PTH2R: variants seen among roughly 807,000 people sequenced by gnomAD.
The protein encoded by PTH2R is PTH2 receptor.
Under a neutral mutation model 60.3 loss-of-function variants are expected in PTH2R, and 59 were observed. The ratio of observed to expected loss-of-function variants is 0.98; its 90% confidence interval spans 0.79 to 1.22. The LOEUF is 1.22. PTH2R is among the 50% of genes most tolerant of loss of function. The pLI is 0.00. For missense variants in PTH2R, 749 were observed against 682.6 expected (o/e 1.10, Z -1.08); for synonymous variants, 256 against 243.8 (o/e 1.05, Z -0.47).
exon 1 of PTH2R, chr2:208,360,017 C>T (rs531723553): frequency 6.0e-6 from 2 of 330,630 alleles, no homozygotes; most frequent in Non-Finnish European, 1.2e-5. Context: ...AGTCCCTATC[C>T]ACCCACAGGT....
chr2:208,373,604 T>G (rs552699956), intron 1 of PTH2R, among the ~76,000 whole-genome samples: 1 of 152,234 alleles, frequency 6.6e-6, no homozygotes, highest in East Asian at 1.9e-4. Flanking sequence ...AGAGGGTATT[T>G]GCAGGGAGAT....
At chr2:208,420,111 A>G (rs1193133550) in intron 1 of PTH2R, among the ~76,000 whole-genome samples, 4 of 152,042 alleles carry the variant, frequency 2.6e-5, no homozygotes, top group Non-Finnish European at 4.4e-5. Context: ...CAGGAAGGGG[A>G]ACATCACACA....
chr2:208,480,029 G>T (rs921014459), intron 9 of PTH2R, among the ~76,000 whole-genome samples: 5 of 152,196 alleles, frequency 3.3e-5, no homozygotes, highest in Non-Finnish European at 5.9e-5. Context: ...CTTGTAGAAA[G>T]TTGTGATTGT....
At chr2:208,453,413 CT>C (rs1702447643) in intron 8 of PTH2R, among the ~76,000 whole-genome samples, 6 of 152,198 alleles carry the variant, frequency 3.9e-5, no homozygotes, top group Non-Finnish European at 8.8e-5. Flanking sequence ...CCATATAAAT[CT>C]TCCTTATCAA....
rs542933156 is a variant in PTH2R, at chr2:208,361,791, CTA to C, written c.-259+1556_-259+1557del. Among the ~76,000 whole-genome samples the C allele has an allele frequency of 6.6e-5, 10 of 151,190 alleles. No homozygotes were observed. In the South Asian group the frequency reaches 1.0e-3, roughly 16 times the overall value. On this transcript the variant is annotated intron_variant, in intron 1 of 12. Coordinates refer to the PTH2R transcript ENST00000617735. ...TTTTTTTTAAAAAAAAGGATGAAGA[CTA>C]TTCGTTTGTATGTATATGCCACATT...
At chr2:208,411,471 C>G (rs997538363) in intron 1 of PTH2R, among the ~76,000 whole-genome samples, 1 of 152,218 alleles carries the variant, frequency 6.6e-6, no homozygotes, top group African/African-American at 2.4e-5. Flanking sequence ...GTAGTCTCTT[C>G]AGCCCTGGTA....
At chr2:208,423,101 T>G (rs1363669886) in intron 1 of PTH2R, among the ~76,000 whole-genome samples, 1 of 152,114 alleles carries the variant, frequency 6.6e-6, no homozygotes, top group Non-Finnish European at 1.5e-5. Flanking sequence ...TTTATCCTCT[T>G]AACTTTATGA....
At chr2:208,362,651 CTTT>C (rs1485699210) in intron 1 of PTH2R, among the ~76,000 whole-genome samples, 1 of 152,190 alleles carries the variant, frequency 6.6e-6, no homozygotes, top group East Asian at 1.9e-4. Context: ...GCAAATACTT[CTTT>C]GAGACCCTGC....
chr2:208,381,617 C>G (rs890479735), intron 1 of PTH2R, among the ~76,000 whole-genome samples: 2 of 152,042 alleles, frequency 1.3e-5, no homozygotes, highest in African/African-American at 4.8e-5. Flanking sequence ...GTTGCACTTA[C>G]TAATTACACT....
At chr2:208,373,607 A>C (rs1410112209) in intron 1 of PTH2R, among the ~76,000 whole-genome samples, 1 of 152,086 alleles carries the variant, frequency 6.6e-6, no homozygotes, top group Non-Finnish European at 1.5e-5. Context: ...GGGTATTTGC[A>C]GGGAGATTGC....
chr2:208,380,893 G>A (rs1700901301), intron 1 of PTH2R, among the ~76,000 whole-genome samples: 1 of 152,032 alleles, frequency 6.6e-6, no homozygotes, highest in Non-Finnish European at 1.5e-5. Flanking sequence ...TTGTGTATAT[G>A]TCTTCATTAG....
At chr2:208,391,729 G>A (rs1031416493) in intron 1 of PTH2R, among the ~76,000 whole-genome samples, 4 of 152,038 alleles carry the variant, frequency 2.6e-5, no homozygotes, top group Non-Finnish European at 5.9e-5. Context: ...GGGAGAAGGT[G>A]GAGATAGGCT....
At chr2:208,365,238 T>C (rs1003467341) in intron 1 of PTH2R, among the ~76,000 whole-genome samples, 2 of 152,206 alleles carry the variant, frequency 1.3e-5, no homozygotes, top group African/African-American at 4.8e-5. Flanking sequence ...CATTTTTGCC[T>C]TGTTCTTAAT....
At chr2:208,397,931 A>G (rs1025510825) in intron 1 of PTH2R, among the ~76,000 whole-genome samples, 3 of 152,222 alleles carry the variant, frequency 2.0e-5, no homozygotes, top group African/African-American at 7.2e-5. Context: ...TAGGCAAGAA[A>G]CATTTCTGGA....
At chr2:208,410,278 T>C (rs1701512530) in intron 1 of PTH2R, among the ~76,000 whole-genome samples, 2 of 152,338 alleles carry the variant, frequency 1.3e-5, no homozygotes, top group South Asian at 4.1e-4. Flanking sequence ...ACTGTAATTG[T>C]TCACATTTTT....
At chr2:208,407,936 T>G (rs1240750279) in intron 1 of PTH2R, among the ~76,000 whole-genome samples, 1 of 152,204 alleles carries the variant, frequency 6.6e-6, no homozygotes, top group Non-Finnish European at 1.5e-5. Context: ...AATAAAAAAT[T>G]ATTTCACCGT....
At chr2:208,437,989 A>T in intron 4 of PTH2R, 108 bp downstream of exon 4, 1 of 1,361,784 alleles carries the variant, frequency 7.3e-7, no homozygotes, top group Non-Finnish European at 1.0e-6. Flanking sequence ...ATTCCACGAC[A>T]CAAGGATCAT....
intron 1 of PTH2R, among the ~76,000 whole-genome samples, chr2:208,399,475 T>G (rs755019861): frequency 1.3e-5 from 2 of 152,156 alleles, no homozygotes; most frequent in Non-Finnish European, 2.9e-5. Flanking sequence ...CATCTGTGAA[T>G]GCCTATTTTT....
intron 2 of PTH2R, among the ~76,000 whole-genome samples, chr2:208,434,632 T>G (rs1279529171): frequency 2.0e-5 from 3 of 152,150 alleles, no homozygotes; most frequent in Non-Finnish European, 4.4e-5. Context: ...TGGAGGGATA[T>G]CTAATTACCG....
Sources: allele counts gnomAD v4.1 joint callset (sites outside exome capture counted in the v4.1 genomes callset), GRCh38; gene constraint gnomAD v4.1.1; transcripts MANE v1.5; gene names NCBI Gene and HGNC (gene_info 2026-07-23, HGNC 2026-07-21).